Variants in UPF2 observed in about 807,000 individuals in gnomAD.
UPF2 encodes the protein UPF2 regulator of nonsense mediated mRNA decay.
UPF2 carries 17 observed loss-of-function variants against 141.4 expected under a neutral mutation model. The observed-to-expected ratio is 0.12, with a 90% CI of 0.08 to 0.18. The LOEUF is 0.18. Ranked by LOEUF, UPF2 falls within the 10% of genes least tolerant of loss-of-function variation. The pLI is 1.00. For synonymous variants in UPF2, 540 were observed against 498.0 expected, an observed-to-expected ratio of 1.08 and a Z score of -1.12; for missense variants, 1,152 against 1,515.9, an observed-to-expected ratio of 0.76 and a Z score of 3.99.
Position 11,948,506 on chromosome 10 carries a change from G to T in UPF2, c.3037C>A (p.Leu1013Ile), listed in dbSNP as rs369026820. The T allele has an allele frequency of 3.5e-5, 57 of 1,610,728 alleles. No homozygotes were observed. The highest frequency in any genetic ancestry group is 1.6e-4 in the Middle Eastern group (1 of 6,074). The change falls in exon 16 of 22, where the codon CTA becomes ATA. Residue 1013 changes from leucine to isoleucine, a missense_variant and splice_region_variant. This residue lies in a region of UPF2 where 202 missense variants were observed against 223.6 expected (regional missense o/e 0.90). Coordinates refer to ENST00000357604, the MANE Select transcript of UPF2 (RefSeq NM_015542.4). Reference protein sequence around the residue: ...LEREFLIKLGLVNDKDSKDSM... With the variant: ...LEREFLIKLGIVNDKDSKDSM... The stretch of plus-strand genomic sequence containing the variant: ...TCTTTTGAGTCTTTGTCATTTACTA[G>T]GCCTTGAAATGAGAAGGTGGAAATG...
intron 7 of UPF2, 27 bp downstream of exon 7, chr10:11,999,879 A>G: frequency 1.3e-6 from 2 of 1,590,392 alleles, no homozygotes; most frequent in South Asian, 1.1e-5. Context: ...CATGTGCTTG[A>G]ATAAAGTTAC....
intron 9 of UPF2, among the ~76,000 whole-genome samples, chr10:11,972,108 T>C (rs1013511309): frequency 6.6e-6 from 1 of 150,926 alleles, no homozygotes; most frequent in Admixed American, 6.6e-5. Flanking sequence ...TCTTCAGATA[T>C]GTCAACACAC....
intron 4 of UPF2, 49 bp downstream of exon 4, chr10:12,013,975 G>C (rs1183504997): frequency 7.0e-7 from 1 of 1,426,680 alleles, no homozygotes; most frequent in Non-Finnish European, 9.3e-7. Flanking sequence ...AAAGGTAAGT[G>C]ACAGTGCTTA....
chr10:11,993,824 T>C (rs1025106490), intron 8 of UPF2, among the ~76,000 whole-genome samples: 4 of 151,390 alleles, frequency 2.6e-5, no homozygotes, highest in African/African-American at 9.7e-5. Context: ...AAAAAAAAAA[T>C]TAATTAATGT....
intron 1 of UPF2, among the ~76,000 whole-genome samples, chr10:12,040,497 C>T (rs1588585724): frequency 6.6e-6 from 1 of 152,064 alleles, no homozygotes; most frequent in African/African-American, 2.4e-5. Context: ...ACAGATTCTC[C>T]GTAAAACCCT....
intron 2 of UPF2, among the ~76,000 whole-genome samples, chr10:12,033,468 GGCTGCAGTGA>G (rs1433757963): frequency 6.6e-6 from 1 of 152,140 alleles, no homozygotes; most frequent in African/African-American, 2.4e-5. Context: ...GGGAGGTCAA[GGCTGCAGTGA>G]GCTGGCATTG....
chr10:11,936,509 C>T lies in UPF2; in HGVS notation c.3546+36G>A, dbSNP rs377616190. The T allele has an allele frequency of 1.9e-6, 3 of 1,553,186 alleles. No individual in the cohort carries two copies. The highest frequency in any genetic ancestry group is 1.9e-5 in the Admixed American group (1 of 51,800). On this transcript the variant is annotated intron_variant, in intron 19 of 21. Coordinates refer to ENST00000357604, the MANE Select transcript of UPF2 (RefSeq NM_015542.4). The surrounding 1 kb of genome is among the most constrained non-coding windows in gnomAD (Gnocchi z 6.6). ...AGTTAAAACCTAACTGTATAACTCA[C>T]AATCAGCTATAATTACAGGGCGGGC...
chr10:11,923,112 A>G (rs1832666831), intron 21 of UPF2: 1 of 152,266 alleles, frequency 6.6e-6, no homozygotes, highest in Non-Finnish European at 1.5e-5. Flanking sequence ...CTATGCCGCT[A>G]AGTGTAGGCC....
intron 4 of UPF2, among the ~76,000 whole-genome samples, chr10:12,012,766 T>G (rs557610733): frequency 2.0e-3 from 298 of 147,708 alleles, no homozygotes; most frequent in Middle Eastern, 3.6e-3. Flanking sequence ...ACCACTGCAT[T>G]CCAGCCTGGG....
chr10:12,002,546 T>C (rs560773297), intron 5 of UPF2, among the ~76,000 whole-genome samples: 1 of 152,264 alleles, frequency 6.6e-6, no homozygotes, highest in East Asian at 1.9e-4. Context: ...GGATCTGATG[T>C]GAAAATTAAC....
chr10:12,039,622 CTTTT>C (rs747946922), intron 1 of UPF2, among the ~76,000 whole-genome samples: 81 of 140,798 alleles, frequency 5.8e-4, no homozygotes, highest in African/African-American at 2.0e-3. Flanking sequence ...CTCTCTCTCT[CTTTT>C]TTTTTTTTTT....
Position 11,931,550 on chromosome 10 carries a change from A to T in UPF2, c.3688+91T>A. On this transcript the variant is annotated intron_variant, in intron 20 of 21. Transcript: ENST00000357604. This position sits in a 1 kb window ranked among gnomAD's most constrained non-coding sequence, Gnocchi z 5.9. ...ATGAATTTCTCAGCATAAATATGGA[A>T]AAATATGACATGAGAAGATGAGACA... 1 of 1,351,622 alleles carries T rather than the reference A, an allele frequency of 7.4e-7. No individual in the cohort carries two copies. The highest frequency in any genetic ancestry group is 9.8e-7 in the Non-Finnish European group (1 of 1,018,476). The allele number at this position is 1,351,622 out of a possible 1,614,324, so 83.7% of individuals were successfully genotyped here.
intron 8 of UPF2, among the ~76,000 whole-genome samples, chr10:11,989,584 T>C (rs190844216): frequency 5.3e-5 from 8 of 152,372 alleles, no homozygotes; most frequent in African/African-American, 1.9e-4. Context: ...GGTAACTTAC[T>C]AGAGAAATAT....
chr10:11,943,332 G>C (rs550394253), intron 16 of UPF2, among the ~76,000 whole-genome samples, 164 bp from the exon 17 acceptor site: 16 of 152,292 alleles, frequency 1.1e-4, no homozygotes, highest in South Asian at 8.3e-4. Flanking sequence ...AGCTAGCAAC[G>C]TTTAAGACAA....
At chr10:11,938,853 G>GTTTTTTTTTTTTTTTTTTTTTTTTTTTT (rs58106776) in intron 18 of UPF2, among the ~76,000 whole-genome samples, 4 of 79,832 alleles carry the variant, frequency 5.0e-5, no homozygotes, top group African/African-American at 1.5e-4. Context: ...TTTTTTTTTT[G>GTTTTTTTTTTTTTTTTTTTTTTTTTTTT]TTTTTTTTTT....
At chr10:11,933,377 A>G in intron 19 of UPF2, among the ~76,000 whole-genome samples, 1 of 152,234 alleles carries the variant, frequency 6.6e-6, no homozygotes, top group Non-Finnish European at 1.5e-5. Context: ...TATTTTCCAA[A>G]ATTCCAAATA....
intron 2 of UPF2, among the ~76,000 whole-genome samples, chr10:12,033,007 C>T (rs1421894398): frequency 1.3e-5 from 2 of 151,936 alleles, no homozygotes; most frequent in Non-Finnish European, 2.9e-5. Context: ...ACCATCACCC[C>T]CCCAAAAATG....
At chr10:11,944,306 C>A (rs1832973983) in intron 16 of UPF2, among the ~76,000 whole-genome samples, 1 of 152,108 alleles carries the variant, frequency 6.6e-6, no homozygotes, top group African/African-American at 2.4e-5. Flanking sequence ...CCAGCCTGGC[C>A]AACATGGCGA....
chr10:12,017,585 C>T (rs892986579), intron 3 of UPF2, among the ~76,000 whole-genome samples: 11 of 152,214 alleles, frequency 7.2e-5, no homozygotes, highest in Admixed American at 6.5e-5. Context: ...ACTCCTTACC[C>T]TCCCCTTAAT....
Sources: gnomAD v4.1 joint callset for allele counts (sites outside exome capture counted in the v4.1 genomes callset) on GRCh38, gnomAD v4.1.1 for gene constraint, gnomAD v4.1.1 regional missense constraint, Gnocchi (gnomAD v3.1) non-coding constraint, MANE v1.5 for transcripts, NCBI Gene and HGNC (gene_info 2026-07-23, HGNC 2026-07-21) for gene names.